The following MAN1A1 variants were observed in gnomAD, a reference collection of about 807,000 sequenced individuals.
MAN1A1 encodes the protein mannosidase alpha class 1A member 1.
Under a neutral mutation model 70.8 loss-of-function variants are expected in MAN1A1, and 29 were observed. The ratio of observed to expected loss-of-function variants is 0.41; its 90% CI spans 0.31 to 0.56. The LOEUF (loss-of-function observed/expected upper bound fraction) is 0.56, where lower values mean the gene tolerates loss of function less well. Ranked by LOEUF, MAN1A1 falls within the 20% of genes least tolerant of loss-of-function variation. The pLI is 0.29. For missense variants in MAN1A1, 747 were observed against 841.3 expected, an observed-to-expected ratio of 0.89 and a Z score of 1.39; for synonymous variants, 349 against 330.1, an observed-to-expected ratio of 1.06 and a Z score of -0.62.
Position 119,179,960 on chromosome 6 carries a change from A to G in MAN1A1, c.1836-15T>C, listed in dbSNP as rs138117435. On this transcript the variant is annotated splice_polypyrimidine_tract_variant and intron_variant, in intron 12 of 12. Transcript: ENST00000368468. ...GGTACAAATATCTGGTGAGAGAAAC[A>G]TAAGTATATGAGGCCCAAGACACTA... 127 of 1,612,944 alleles carry G rather than the reference A, an allele frequency of 7.9e-5. No homozygotes were observed. The highest frequency in any genetic ancestry group is 1.3e-4 in the South Asian group (12 of 91,024).
chr6:119,196,916 TC>T (rs778751553), intron 8 of MAN1A1, among the ~76,000 whole-genome samples: 1 of 152,114 alleles, frequency 6.6e-6, no homozygotes, highest in Non-Finnish European at 1.5e-5. Flanking sequence ...AGTAACAAGA[TC>T]AGTTCATATT....
At chr6:119,244,778 T>C (rs1057235301) in intron 6 of MAN1A1, among the ~76,000 whole-genome samples, 3 of 152,142 alleles carry the variant, frequency 2.0e-5, no homozygotes, top group Non-Finnish European at 4.4e-5. Context: ...GTCAATTACA[T>C]GTGTGAGTGT....
At chr6:119,306,173 T>C (rs148069988) in intron 3 of MAN1A1, among the ~76,000 whole-genome samples, 1 of 152,290 alleles carries the variant, frequency 6.6e-6, no homozygotes, top group East Asian at 1.9e-4. Flanking sequence ...AGAGTAACAC[T>C]GTATTCCCTT....
chr6:119,260,889 A>AT (rs1348995870), intron 5 of MAN1A1, among the ~76,000 whole-genome samples: 2 of 152,222 alleles, frequency 1.3e-5, no homozygotes, highest in Non-Finnish European at 2.9e-5. Flanking sequence ...CCTCTTTAGA[A>AT]TACAAACACA....
chr6:119,273,473 T>C (rs940400556), intron 5 of MAN1A1, among the ~76,000 whole-genome samples: 1 of 152,230 alleles, frequency 6.6e-6, no homozygotes, highest in Non-Finnish European at 1.5e-5. Flanking sequence ...TACTCTGTTA[T>C]GTGAGCATTC....
intron 2 of MAN1A1, among the ~76,000 whole-genome samples, chr6:119,321,903 G>A (rs1223990975): frequency 6.6e-6 from 1 of 152,106 alleles, no homozygotes; most frequent in Non-Finnish European, 1.5e-5. Flanking sequence ...ACAGGCATGA[G>A]CCACCGCCCC....
intron 6 of MAN1A1, among the ~76,000 whole-genome samples, chr6:119,221,997 A>G (rs761075046): frequency 1.3e-5 from 2 of 152,174 alleles, no homozygotes; most frequent in African/African-American, 2.4e-5. Context: ...TTCACTAAAT[A>G]TTTTACTATG....
At chr6:119,348,354 C>T (rs143461048) in intron 2 of MAN1A1, 109 bp downstream of exon 2, 2 of 1,120,382 alleles carry the variant, frequency 1.8e-6, no homozygotes, top group East Asian at 2.6e-5. Context: ...GGGCAAACCT[C>T]CATCTCCCCA....
chr6:119,330,393 C>T (rs1228217434), intron 2 of MAN1A1, among the ~76,000 whole-genome samples: 1 of 152,126 alleles, frequency 6.6e-6, no homozygotes, highest in Non-Finnish European at 1.5e-5. Context: ...CATTTCCTCT[C>T]TCACTCTCCA....
chr6:119,235,458 C>CTT lies in MAN1A1; in HGVS notation c.992+12801_992+12802insAA, dbSNP rs202001395. 8.9e-4 allele frequency among the ~76,000 whole-genome samples: 136 copies of CTT among 152,316 alleles called. No individual in the cohort carries two copies. The East Asian group carries it at 0.025, about 28-fold the overall frequency. On this transcript the variant is annotated intron_variant, in intron 6 of 12. Coordinates refer to ENST00000368468, the MANE Select transcript of MAN1A1 (RefSeq NM_005907.4). ...CCAAAACCTACTCCAGAGTAAGGCC[C>CTT]TAACTCTCTTTAATTCTACGAAGAC...
At chr6:119,261,147 T>A (rs1012510808) in intron 5 of MAN1A1, among the ~76,000 whole-genome samples, 7 of 151,576 alleles carry the variant, frequency 4.6e-5, no homozygotes, top group Non-Finnish European at 1.0e-4. Context: ...CCCGGCTAAT[T>A]TTTTTGTATT....
intron 6 of MAN1A1, among the ~76,000 whole-genome samples, chr6:119,221,472 C>CA (rs1774357931): frequency 7.7e-6 from 1 of 130,388 alleles, no homozygotes; most frequent in Non-Finnish European, 1.6e-5. Flanking sequence ...ATTTTCTTTT[C>CA]TTTTTTTTTT....
rs949700272 is a variant in MAN1A1 at position 119,289,433 on chromosome 6, T to A, written c.897+1250A>T. Among the ~76,000 whole-genome samples, 24 of 151,936 alleles carry A rather than the reference T, an allele frequency of 1.6e-4. 1 individual carries two copies. Among genetic ancestry groups the A allele is most frequent in the African/African-American group, 4.8e-4 (20 of 41,406 alleles). On this transcript the variant is annotated intron_variant, in intron 5 of 12. Coordinates refer to ENST00000368468, the MANE Select transcript of MAN1A1 (RefSeq NM_005907.4). ...TTAGTTAATTTTAAACATAACTTTT[T>A]AAAAATATAGGGTTTTAGGGTTTTT...
chr6:119,299,264 T>C (rs1465681782), intron 4 of MAN1A1, among the ~76,000 whole-genome samples: 1 of 152,098 alleles, frequency 6.6e-6, no homozygotes. Context: ...CCAGAATTTG[T>C]ATGTTACTAT....
At chr6:119,222,630 C>T (rs894433009) in intron 6 of MAN1A1, among the ~76,000 whole-genome samples, 2 of 152,128 alleles carry the variant, frequency 1.3e-5, no homozygotes, top group Non-Finnish European at 2.9e-5. Context: ...CCCGGTCCAC[C>T]TTTCATCTTT....
intron 6 of MAN1A1, among the ~76,000 whole-genome samples, chr6:119,214,110 G>A (rs9489625): frequency 0.42 from 63,591 of 151,840 alleles, 13,816 homozygotes; most frequent in East Asian, 0.67. Flanking sequence ...GATTACAGGC[G>A]TGCACCACAG....
intron 5 of MAN1A1, among the ~76,000 whole-genome samples, chr6:119,250,708 C>T (rs1375972211): frequency 2.6e-5 from 4 of 151,468 alleles, no homozygotes; most frequent in Admixed American, 6.6e-5. Context: ...GCCTCTTCCC[C>T]GACATACACA....
intron 5 of MAN1A1, among the ~76,000 whole-genome samples, chr6:119,251,024 T>C (rs1277620282): frequency 6.6e-6 from 1 of 152,212 alleles, no homozygotes; most frequent in Non-Finnish European, 1.5e-5. Flanking sequence ...TAAGTATCAC[T>C]GTTAACTCAT....
intron 2 of MAN1A1, among the ~76,000 whole-genome samples, chr6:119,340,483 C>T (rs992553690): frequency 5.3e-5 from 8 of 152,138 alleles, no homozygotes; most frequent in African/African-American, 1.9e-4. Context: ...AAGGATTTGG[C>T]AGAAATGGAG....
Sources: gnomAD v4.1 joint callset for allele counts (sites outside exome capture counted in the v4.1 genomes callset) on GRCh38, gnomAD v4.1.1 for gene constraint, MANE v1.5 for transcripts, NCBI Gene and HGNC (gene_info 2026-07-23, HGNC 2026-07-21) for gene names.